Variants in PDE8B observed in about 807,000 individuals in gnomAD.
PDE8B encodes phosphodiesterase 8B.
PDE8B carries 26 observed loss-of-function variants against 101.3 expected under a neutral mutation model. The observed-to-expected ratio is 0.26, with a 90% CI of 0.19 to 0.36. The LOEUF (loss-of-function observed/expected upper bound fraction) is 0.36. Ranked by LOEUF, PDE8B falls within the 10% of genes least tolerant of loss-of-function variation. The pLI is 1.00. For synonymous variants in PDE8B, 424 were observed against 429.3 expected (o/e 0.99, Z 0.15); for missense variants, 810 against 1,163.1 (o/e 0.70, Z 4.42).
chr5:77,157,877 C>T, the PDE8B span, among the ~76,000 whole-genome samples: 1 of 152,214 alleles, frequency 6.6e-6, no homozygotes, highest in Non-Finnish European at 1.5e-5. Context: ...CCCAGCCCTG[C>T]TCTAGAGCAT....
intron 9 of PDE8B, among the ~76,000 whole-genome samples, 199 bp downstream of exon 9, chr5:77,351,352 AC>A (rs1364375195): frequency 6.6e-5 from 10 of 152,048 alleles, no homozygotes; most frequent in Non-Finnish European, 7.4e-5. Flanking sequence ...ATGAAGCATC[AC>A]CCCAACCTCC....
At chr5:77,205,181 G>GT in the PDE8B span, among the ~76,000 whole-genome samples, 1 of 152,086 alleles carries the variant, frequency 6.6e-6, no homozygotes, top group Non-Finnish European at 1.5e-5. Flanking sequence ...TTGACCTAAG[G>GT]AAGTCAGATG....
At chr5:77,415,229 G>A (rs1035367596) in intron 17 of PDE8B, among the ~76,000 whole-genome samples, 1 of 151,966 alleles carries the variant, frequency 6.6e-6, no homozygotes, top group African/African-American at 2.4e-5. Flanking sequence ...GGTGCTTCCA[G>A]AAAGATTTAC....
At chr5:77,110,551 C>T in the PDE8B span, among the ~76,000 whole-genome samples, 2 of 152,168 alleles carry the variant, frequency 1.3e-5, no homozygotes, top group Non-Finnish European at 2.9e-5. Context: ...TAATCTGCAT[C>T]CCCAATTTCA....
At chr5:77,308,004 T>C (rs530491660) in intron 1 of PDE8B, among the ~76,000 whole-genome samples, 80 of 152,344 alleles carry the variant, frequency 5.3e-4, no homozygotes, top group African/African-American at 1.9e-3. Flanking sequence ...GCTACACAGA[T>C]GTCAGTAAAT....
chr5:77,097,732 T>TATATATCTATATATATATATATAC, the PDE8B span, among the ~76,000 whole-genome samples: 2 of 65,230 alleles, frequency 3.1e-5, no homozygotes, highest in African/African-American at 7.9e-5. Flanking sequence ...TATATATATA[T>TATATATCTATATATATATATATAC]ACATACATAT....
intron 17 of PDE8B, among the ~76,000 whole-genome samples, chr5:77,415,980 C>T (rs148301894): frequency 5.9e-5 from 9 of 152,330 alleles, no homozygotes; most frequent in South Asian, 2.1e-4. Flanking sequence ...TGCACCTCCA[C>T]GGGACTGGAA....
the PDE8B span, among the ~76,000 whole-genome samples, chr5:77,177,453 CT>C: frequency 6.6e-6 from 1 of 151,914 alleles, no homozygotes; most frequent in East Asian, 1.9e-4. Context: ...TAACAATAGA[CT>C]GTAATAAAAG....
the PDE8B span, among the ~76,000 whole-genome samples, chr5:77,092,282 G>A: frequency 2.6e-5 from 4 of 152,084 alleles, no homozygotes; most frequent in African/African-American, 9.6e-5. Context: ...AAATTTTCGT[G>A]TAATCAGAAA....
At chr5:77,207,643 T>G (rs1345082079), upstream of PDE8B, among the ~76,000 whole-genome samples, 2 of 152,280 alleles carry the variant, frequency 1.3e-5, no homozygotes, top group African/African-American at 4.8e-5. Flanking sequence ...TGCATTGAAG[T>G]GGTCAGTGGC....
chr5:77,303,706 C>T (rs904488850), intron 1 of PDE8B, among the ~76,000 whole-genome samples: 1 of 152,190 alleles, frequency 6.6e-6, no homozygotes, highest in African/African-American at 2.4e-5. Flanking sequence ...GTCAGCATTT[C>T]TTTGTACTGT....
rs1012491495 is a variant in PDE8B, at chr5:77,284,397, A to C, written c.340-27597A>C. ...GTGTCATACCTAAAAAGTCATTGCC[A>C]AACTCAAGATTGTTTAGATTTCCCC... On this transcript the variant is annotated intron_variant, in intron 1 of 21. Transcript: ENST00000264917. Among the ~76,000 whole-genome samples the C allele has an allele frequency of 2.0e-5, 3 of 152,322 alleles. No homozygotes were observed. In the South Asian group the frequency reaches 6.2e-4, roughly 32 times the overall value.
At chr5:77,126,713 C>T in the PDE8B span, among the ~76,000 whole-genome samples, 2 of 152,220 alleles carry the variant, frequency 1.3e-5, no homozygotes, top group Non-Finnish European at 1.5e-5. Context: ...AGCCACAGCA[C>T]CCGGCCCTAC....
chr5:77,185,287 A>G, the PDE8B span, among the ~76,000 whole-genome samples: 1 of 152,340 alleles, frequency 6.6e-6, no homozygotes, highest in South Asian at 2.1e-4. Flanking sequence ...ACTTCTTTAT[A>G]GTTCTGGAGG....
At chr5:77,112,520 ATC>A in the PDE8B span, 6 of 152,278 alleles carry the variant, frequency 3.9e-5, no homozygotes, top group East Asian at 1.2e-3. Context: ...ATTCTGACCT[ATC>A]TCAAAATAAT....
intron 1 of PDE8B, among the ~76,000 whole-genome samples, chr5:77,303,133 T>C (rs758197726): frequency 6.6e-6 from 1 of 152,196 alleles, no homozygotes; most frequent in African/African-American, 2.4e-5. Flanking sequence ...GGAAATAGAC[T>C]TTCCCAATAA....
At chr5:77,332,088 G>T (rs1193436441) in intron 5 of PDE8B, among the ~76,000 whole-genome samples, 1 of 152,106 alleles carries the variant, frequency 6.6e-6, no homozygotes, top group Non-Finnish European at 1.5e-5. Flanking sequence ...AAAGCTGTGT[G>T]CCTGCAAATG....
chr5:77,268,037 TAA>T (rs961991597), intron 1 of PDE8B, among the ~76,000 whole-genome samples: 4 of 142,876 alleles, frequency 2.8e-5, no homozygotes, highest in African/African-American at 2.6e-5. Flanking sequence ...TTTAACAGGT[TAA>T]AAAAAAAAAA....
At chr5:77,266,615 T>G (rs1002690809) in intron 1 of PDE8B, among the ~76,000 whole-genome samples, 1 of 152,194 alleles carries the variant, frequency 6.6e-6, no homozygotes, top group Non-Finnish European at 1.5e-5. Flanking sequence ...AGAGCACAGT[T>G]AAGTATTGAT....
Sources: allele counts gnomAD v4.1 joint callset (sites outside exome capture counted in the v4.1 genomes callset), GRCh38; gene constraint gnomAD v4.1.1; transcripts MANE v1.5; gene names NCBI Gene and HGNC (gene_info 2026-07-23, HGNC 2026-07-21).